TMEM164: variants seen among roughly 807,000 people sequenced by gnomAD.
TMEM164 encodes the protein RP13-360B22.2.
In TMEM164, 4 loss-of-function variants were observed where a neutral mutation model predicts 18.8. The observed-to-expected ratio is 0.21, with a 90% confidence interval of 0.10 to 0.49. TMEM164 has a LOEUF of 0.49. TMEM164 is among the 20% of genes least tolerant of loss of function. TMEM164 has a pLI of 0.98. For synonymous variants in TMEM164, 86 were observed against 101.7 expected (o/e 0.85, Z 0.93); for missense variants, 108 against 239.9 (o/e 0.45, Z 3.63).
intron 2 of TMEM164, among the ~76,000 whole-genome samples, chrX:110,051,722 AG>A (rs1248235952): frequency 4.5e-5 from 5 of 112,239 alleles, no homozygotes; most frequent in Non-Finnish European, 7.5e-5. Flanking sequence ...ATCTGTATGG[AG>A]GAACAGCAGC....
rs763206335 is a variant in TMEM164 at position 110,082,468 on chromosome X, T to A, written c.440+15072T>A. Among the ~76,000 whole-genome samples, 689 of 111,875 alleles carry A rather than the reference T, an allele frequency of 6.2e-3. 7 individuals are homozygous for A. Among genetic ancestry groups the A allele is most frequent in the Admixed American group, 9.1e-3 (95 of 10,483 alleles). ...GAGCTATCTACCAGTGCCGTTGACA[T>A]CCAAGCCACAGAATTCTTTTCCTCA... On this transcript the variant is annotated intron_variant, in intron 3 of 6. Coordinates refer to ENST00000372068, the MANE Select transcript of TMEM164 (RefSeq NM_032227.4).
chrX:110,085,881 T>C (rs889824600), intron 3 of TMEM164, among the ~76,000 whole-genome samples: 36 of 112,114 alleles, frequency 3.2e-4, no homozygotes, highest in African/African-American at 1.2e-3. Context: ...TCCATGTGAA[T>C]GTAGACCAGT....
At chrX:110,046,079 A>T (rs1935305292) in intron 2 of TMEM164, 1 of 754,632 alleles carries the variant, frequency 1.3e-6, no homozygotes, top group African/African-American at 2.3e-5. Flanking sequence ...TGAGTCAACA[A>T]CAGTTGGTTT....
chrX:110,087,421 C>T (rs1196165769), intron 3 of TMEM164, among the ~76,000 whole-genome samples: 15 of 111,557 alleles, frequency 1.3e-4, no homozygotes, highest in Non-Finnish European at 5.6e-5. Flanking sequence ...AGTGCAGTGG[C>T]GTGATCATGG....
intron 4 of TMEM164, among the ~76,000 whole-genome samples, chrX:110,132,910 A>G (rs774576612): frequency 3.6e-5 from 4 of 112,187 alleles, no homozygotes; most frequent in Admixed American, 9.4e-5. Context: ...TGCTCATAGC[A>G]TATTGTTGGT....
chrX:110,109,077 T>C lies in TMEM164; in HGVS notation c.441-3T>C, dbSNP rs762590887. 2.5e-6 allele frequency: 3 copies of C among 1,208,428 alleles called. No homozygotes were observed. The African/African-American group carries it at 5.3e-5, about 21-fold the overall frequency. On this transcript the variant is annotated splice_polypyrimidine_tract_variant and splice_region_variant and intron_variant, in intron 3 of 6. Coordinates refer to ENST00000372068, the MANE Select transcript of TMEM164 (RefSeq NM_032227.4). ...CCTGAACTTTATCTTTCTCCCCCTCTAGGCTACAGATGCACATGTTGAATG... is the reference window on the plus strand; with the variant it reads ...CCTGAACTTTATCTTTCTCCCCCTCCAGGCTACAGATGCACATGTTGAATG...
rs1433689182 is a variant in TMEM164 at position 110,134,571 on chromosome X, A to G, written c.508-10227A>G. ...CGAGACTCTGTCTCAAAAAAAAAAA[A>G]AAAAAAAAAAAAAAGGACCAGTGGC... On this transcript the variant is annotated intron_variant, in intron 4 of 6. Transcript: ENST00000372068. 1.9e-4 allele frequency among the ~76,000 whole-genome samples: 20 copies of G among 104,934 alleles called. No individual in the cohort carries two copies. The South Asian group carries it at 5.2e-3, about 27-fold the overall frequency. The allele number at this position is 104,934 out of a possible 115,157, so 91.1% of individuals were successfully genotyped here.
intron 2 of TMEM164, among the ~76,000 whole-genome samples, chrX:110,016,569 G>A (rs1485437591): frequency 3.6e-5 from 4 of 112,232 alleles, no homozygotes; most frequent in South Asian, 3.7e-4. Flanking sequence ...TTGAATACAC[G>A]TTAATTATGC....
intron 2 of TMEM164, among the ~76,000 whole-genome samples, chrX:110,045,457 C>T (rs981864185): frequency 2.7e-5 from 3 of 111,434 alleles, no homozygotes; most frequent in African/African-American, 6.5e-5. Context: ...AGGTTTGTAT[C>T]GTATGTATTT....
At chrX:110,119,499 TATTAAC>T (rs1292070706) in intron 4 of TMEM164, among the ~76,000 whole-genome samples, 2 of 111,940 alleles carry the variant, frequency 1.8e-5, no homozygotes, top group Non-Finnish European at 3.8e-5. Context: ...CAGTAACAAC[TATTAAC>T]ATTGTTTGTT....
intron 4 of TMEM164, among the ~76,000 whole-genome samples, chrX:110,123,039 G>A (rs1231354628): frequency 8.9e-6 from 1 of 112,125 alleles, no homozygotes; most frequent in Non-Finnish European, 1.9e-5. Flanking sequence ...GAGTTTCATA[G>A]TGTTGGCTCT....
At chrX:110,073,897 A>G (rs1201600597) in intron 3 of TMEM164, among the ~76,000 whole-genome samples, 1 of 110,756 alleles carries the variant, frequency 9.0e-6, no homozygotes, top group Non-Finnish European at 1.9e-5. Flanking sequence ...TTGTTCTTTG[A>G]GACAGAATCT....
Position 110,015,527 on chromosome X carries a change from CTTTTT to C in TMEM164, c.390+11365_390+11369del, listed in dbSNP as rs1249761342. 1.2e-4 allele frequency among the ~76,000 whole-genome samples: 13 copies of C among 108,770 alleles called. No homozygotes were observed. In the Admixed American group the frequency reaches 1.3e-3, roughly 11 times the overall value. 94.5% of individuals were successfully genotyped at this position (108,770 alleles called of 115,157 possible). A position where few individuals can be genotyped will look rare whatever the true frequency, so the allele number is the denominator to read the frequency against. Reference sequence around the variant, plus strand: ...TTGGTTTGCATTTGTTAAGAGTTTCCTTTTTTAAGTTCCAGGAACTTGAGTGTGTG... The same window carrying C: ...TTGGTTTGCATTTGTTAAGAGTTTCCTAAGTTCCAGGAACTTGAGTGTGTG... On this transcript the variant is annotated intron_variant, in intron 2 of 6. Transcript: ENST00000372068.
intron 5 of TMEM164, among the ~76,000 whole-genome samples, chrX:110,152,680 T>A (rs1001361079): frequency 1.8e-5 from 2 of 110,823 alleles, no homozygotes; most frequent in Non-Finnish European, 1.9e-5. Flanking sequence ...AATCACTGGG[T>A]CCTCCTGCTC....
chrX:110,179,604 A>G (rs1240463283), downstream of TMEM164, among the ~76,000 whole-genome samples: 2 of 111,820 alleles, frequency 1.8e-5, no homozygotes, highest in Non-Finnish European at 3.8e-5. Context: ...GTTTCATCCT[A>G]AGGCCTCCAC....
At position 110,003,756 on chromosome X, in the gene TMEM164, C is replaced by G. The variant is rs1932496270; in HGVS notation, c.-19C>G. On this transcript the variant is annotated 5_prime_UTR_variant, in exon 2 of 7. The change creates a premature stop within an existing upstream ORF in the 5' untranslated region. Coordinates refer to ENST00000372068, the MANE Select transcript of TMEM164 (RefSeq NM_032227.4). Reference sequence around the variant, plus strand: ...TCACTCTTGCTTCCTGTACTGTGGTCAAGGGGAACCACTGCATCATGTCCC... The same window carrying G: ...TCACTCTTGCTTCCTGTACTGTGGTGAAGGGGAACCACTGCATCATGTCCC... The G allele has an allele frequency of 8.5e-7, 1 of 1,177,081 alleles. No individual in the cohort carries two copies. The highest frequency in any genetic ancestry group is 1.1e-6 in the Non-Finnish European group (1 of 879,758).
chrX:110,077,485 G>T (rs1397512922), intron 3 of TMEM164, among the ~76,000 whole-genome samples: 1 of 111,476 alleles, frequency 9.0e-6, no homozygotes, highest in Non-Finnish European at 1.9e-5. Flanking sequence ...ATGAGGTTTT[G>T]TTCCTTTCAT....
At chrX:110,109,632 A>G (rs1010578186) in intron 4 of TMEM164, among the ~76,000 whole-genome samples, 13 of 112,679 alleles carry the variant, frequency 1.2e-4, no homozygotes, top group African/African-American at 3.9e-4. Context: ...CGTTAGATTC[A>G]ACCACATTGG....
Position 110,031,318 on chromosome X carries a change from G to A in TMEM164, c.390+27154G>A, listed in dbSNP as rs541608377. Among the ~76,000 whole-genome samples, 5 of 111,600 alleles carry A rather than the reference G, an allele frequency of 4.5e-5. No homozygotes were observed. In the South Asian group the frequency reaches 1.9e-3, roughly 42 times the overall value. On this transcript the variant is annotated intron_variant, in intron 2 of 6. Transcript: ENST00000372068. Reference sequence around the variant, plus strand: ...TCCAGTCTATCATTGATGGGCATTTGGGTTTTAACATTTTTTAAAGAGTTG... The same window carrying A: ...TCCAGTCTATCATTGATGGGCATTTAGGTTTTAACATTTTTTAAAGAGTTG...
Sources: allele counts gnomAD v4.1 joint callset (sites outside exome capture counted in the v4.1 genomes callset), GRCh38; gene constraint gnomAD v4.1.1; transcripts MANE v1.5; gene names NCBI Gene and HGNC (gene_info 2026-07-23, HGNC 2026-07-21).